SEMA5A: variants seen among roughly 807,000 people sequenced by gnomAD.
The protein encoded by SEMA5A is semaphorin 5A.
A neutral mutation model predicts 135.5 loss-of-function variants in SEMA5A; 55 were observed. The observed-to-expected ratio is 0.41, with a 90% CI of 0.33 to 0.51. The LOEUF (loss-of-function observed/expected upper bound fraction) is 0.51, where lower values mean the gene tolerates loss of function less well. Ranked by LOEUF, SEMA5A falls within the 20% of genes least tolerant of loss-of-function variation. The pLI is 0.37. For missense variants in SEMA5A, 1,290 were observed against 1,419.9 expected (o/e 0.91, Z 1.47); for synonymous variants, 580 against 546.5 (o/e 1.06, Z -0.85).
intron 12 of SEMA5A, among the ~76,000 whole-genome samples, chr5:9,136,963 C>T (rs1287207048): frequency 6.6e-6 from 1 of 152,186 alleles, no homozygotes; most frequent in Non-Finnish European, 1.5e-5. Context: ...TCACCACTAC[C>T]GTCACCATGA....
At chr5:9,145,786 C>T (rs888650112) in intron 12 of SEMA5A, among the ~76,000 whole-genome samples, 4 of 148,634 alleles carry the variant, frequency 2.7e-5, no homozygotes, top group Non-Finnish European at 5.9e-5. Flanking sequence ...TTACAGGCGC[C>T]TGCCACCACA....
chr5:9,193,897 AAAAAC>A (rs1274416484), intron 10 of SEMA5A, among the ~76,000 whole-genome samples: 2 of 152,192 alleles, frequency 1.3e-5, no homozygotes, highest in African/African-American at 2.4e-5. Context: ...ACTCTGTCTC[AAAAAC>A]AAAACAAAAC....
intron 13 of SEMA5A, among the ~76,000 whole-genome samples, chr5:9,130,112 A>C (rs191174716): frequency 3.0e-4 from 45 of 152,304 alleles, no homozygotes; most frequent in African/African-American, 1.0e-3. Context: ...TTTTGTTACC[A>C]AGCACCATCT....
chr5:9,069,724 T>C (rs910574866), intron 16 of SEMA5A, among the ~76,000 whole-genome samples: 10 of 152,224 alleles, frequency 6.6e-5, no homozygotes, highest in African/African-American at 2.4e-4. Flanking sequence ...CTGCATGATC[T>C]CTACATCAAC....
At chr5:9,076,868 TTGTGTG>T (rs70943938) in intron 16 of SEMA5A, among the ~76,000 whole-genome samples, 3,815 of 144,066 alleles carry the variant, frequency 0.026, 176 homozygotes, top group African/African-American at 0.09. Flanking sequence ...ATTACGATCT[TTGTGTG>T]TGTGTGTGTG....
At chr5:9,481,998 T>C (rs1759895932) in intron 1 of SEMA5A, among the ~76,000 whole-genome samples, 2 of 152,358 alleles carry the variant, frequency 1.3e-5, no homozygotes, top group East Asian at 1.9e-4. Context: ...AAAATCAAAC[T>C]GATGTTTCAG....
chr5:9,058,236 G>T (rs117363645), intron 18 of SEMA5A, among the ~76,000 whole-genome samples: 1 of 152,144 alleles, frequency 6.6e-6, no homozygotes, highest in East Asian at 1.9e-4. Context: ...CTGCCCTGGG[G>T]GTTGTTCCAG....
intron 16 of SEMA5A, among the ~76,000 whole-genome samples, chr5:9,087,199 C>T (rs115432376): frequency 0.013 from 1,992 of 152,334 alleles, 31 homozygotes; most frequent in African/African-American, 0.046. Flanking sequence ...CCAATCCTGG[C>T]TGCCATTACC....
At chr5:9,513,068 AATAT>A (rs56269546) in intron 1 of SEMA5A, among the ~76,000 whole-genome samples, 3 of 143,718 alleles carry the variant, frequency 2.1e-5, no homozygotes, top group Non-Finnish European at 4.5e-5. Context: ...ATATATATAT[AATAT>A]ATATATATAT....
intron 11 of SEMA5A, among the ~76,000 whole-genome samples, chr5:9,155,573 T>G (rs1025215417): frequency 6.6e-6 from 1 of 152,026 alleles, no homozygotes; most frequent in Non-Finnish European, 1.5e-5. Flanking sequence ...AGAGATCCAC[T>G]CAAGTACCTG....
intron 2 of SEMA5A, chr5:9,390,969 C>A (rs1483320910): frequency 1.3e-5 from 2 of 152,146 alleles, no homozygotes; most frequent in African/African-American, 4.8e-5. Context: ...GGTCCCATTT[C>A]CAAATGGAAG....
chr5:9,462,386 T>C (rs1759090266), intron 1 of SEMA5A, among the ~76,000 whole-genome samples: 1 of 152,150 alleles, frequency 6.6e-6, no homozygotes, highest in South Asian at 2.1e-4. Flanking sequence ...GAGTGTAAAT[T>C]AGTTCAGCCA....
chr5:9,391,742 C>T (rs1477565440), intron 2 of SEMA5A, among the ~76,000 whole-genome samples: 1 of 152,186 alleles, frequency 6.6e-6, no homozygotes, highest in East Asian at 1.9e-4. Context: ...TGGTGTTTTT[C>T]ATTCATGCCC....
chr5:9,475,664 A>G (rs1264390930), intron 1 of SEMA5A, among the ~76,000 whole-genome samples: 1 of 152,226 alleles, frequency 6.6e-6, no homozygotes, highest in African/African-American at 2.4e-5. Flanking sequence ...AAGGACCCCA[A>G]AATGAAAAAT....
intron 16 of SEMA5A, among the ~76,000 whole-genome samples, chr5:9,080,264 T>C (rs1156844690): frequency 6.6e-6 from 1 of 152,170 alleles, no homozygotes; most frequent in African/African-American, 2.4e-5. Context: ...TGGATAAAGC[T>C]GGAAACCATC....
At chr5:9,249,592 A>G (rs1314876089) in intron 5 of SEMA5A, among the ~76,000 whole-genome samples, 1 of 152,170 alleles carries the variant, frequency 6.6e-6, no homozygotes. Context: ...AGAATTTAGA[A>G]GAGTAGAGGG....
intron 2 of SEMA5A, among the ~76,000 whole-genome samples, chr5:9,431,174 G>A (rs915946866): frequency 6.6e-6 from 1 of 152,054 alleles, no homozygotes; most frequent in African/African-American, 2.4e-5. Context: ...TAGTAAGGAG[G>A]TGGCCTGCAA....
intron 2 of SEMA5A, among the ~76,000 whole-genome samples, chr5:9,383,052 G>A (rs556544703): frequency 1.2e-4 from 19 of 152,340 alleles, no homozygotes; most frequent in Middle Eastern, 6.8e-3. Flanking sequence ...TCATCTGTCC[G>A]CCAGCCCACA....
At chr5:9,223,770 T>G (rs551708162) in intron 8 of SEMA5A, among the ~76,000 whole-genome samples, 31 of 152,334 alleles carry the variant, frequency 2.0e-4, no homozygotes, top group Admixed American at 5.9e-4. Context: ...TGCGTGTGTG[T>G]GTGAGACCAC....
Sources: gnomAD v4.1 joint callset for allele counts (sites outside exome capture counted in the v4.1 genomes callset) on GRCh38, gnomAD v4.1.1 for gene constraint, MANE v1.5 for transcripts, NCBI Gene and HGNC (gene_info 2026-07-23, HGNC 2026-07-21) for gene names.